The following NAA50 variants were observed in gnomAD, a reference collection of about 807,000 sequenced individuals.
The protein encoded by NAA50 is N-alpha-acetyltransferase 50.
Under a neutral mutation model 20.7 loss-of-function variants are expected in NAA50, and 7 were observed. The ratio of observed to expected loss-of-function variants is 0.34; its 90% confidence interval spans 0.19 to 0.63. The LOEUF (loss-of-function observed/expected upper bound fraction) is 0.63, where lower values mean the gene tolerates loss of function less well. NAA50 is among the 30% of genes least tolerant of loss of function. The pLI, the probability that NAA50 is intolerant of heterozygous loss-of-function variation, is 0.75. For synonymous variants in NAA50, 54 were observed against 70.6 expected, an observed-to-expected ratio of 0.77 and a Z score of 1.18; for missense variants, 111 against 199.1, an observed-to-expected ratio of 0.56 and a Z score of 2.66.
Position 113,720,915 on chromosome 3 carries a change from T to A in NAA50, c.*845A>T, listed in dbSNP as rs1314272950. Reference sequence around the variant, plus strand: ...TTTTTAAGGTTAGACTATTGTTGGGTTTACTGAAGAAAAAGGAACGGGAAA... The same window carrying A: ...TTTTTAAGGTTAGACTATTGTTGGGATTACTGAAGAAAAAGGAACGGGAAA... On this transcript the variant is annotated 3_prime_UTR_variant, in exon 5 of 5. Coordinates refer to ENST00000240922, the MANE Select transcript of NAA50 (RefSeq NM_025146.4). The A allele has an allele frequency of 1.3e-5, 2 of 152,386 alleles. No individual in the cohort carries two copies. Among genetic ancestry groups the A allele is most frequent in the Non-Finnish European group, 2.9e-5 (2 of 67,990 alleles). 9.4% of individuals were successfully genotyped at this position (152,386 alleles called of 1,614,324 possible).
At chr3:113,723,101 T>C (rs1315662139) in intron 3 of NAA50, 129 bp from the exon 4 acceptor site, 1 of 1,255,988 alleles carries the variant, frequency 8.0e-7, no homozygotes, top group Non-Finnish European at 1.1e-6. Context: ...TAGATATCCT[T>C]ATTTTCCAAA....
In NAA50 at chr3:113,738,486, A is replaced by T. The variant is rs537626131; in HGVS notation, c.8+7456T>A. Among the ~76,000 whole-genome samples the T allele has an allele frequency of 3.3e-5, 5 of 152,340 alleles. No individual in the cohort carries two copies. In the South Asian group the frequency reaches 1.0e-3, roughly 32 times the overall value. ...AATAGAGAAATTTAGTTTTCTATGT[A>T]TTCTTTATGTCCTATTTTAATCTCT... On this transcript the variant is annotated intron_variant, in intron 1 of 4. Transcript: ENST00000240922.
intron 1 of NAA50, among the ~76,000 whole-genome samples, chr3:113,724,840 T>C (rs1016159607): frequency 6.6e-6 from 1 of 152,192 alleles, no homozygotes; most frequent in African/African-American, 2.4e-5. Flanking sequence ...GATGGTTTTA[T>C]AAGGAGGCTT....
At chr3:113,729,926 T>C (rs1708250702) in intron 1 of NAA50, among the ~76,000 whole-genome samples, 1 of 152,186 alleles carries the variant, frequency 6.6e-6, no homozygotes, top group Non-Finnish European at 1.5e-5. Flanking sequence ...TTTCCTTGTG[T>C]CCTTATATTT....
intron 1 of NAA50, among the ~76,000 whole-genome samples, chr3:113,729,639 C>CT (rs2031021129): frequency 6.6e-6 from 1 of 151,364 alleles, no homozygotes. Context: ...CGCCTACGGG[C>CT]TCAGGGGATC....
chr3:113,735,184 A>G (rs900913667), intron 1 of NAA50, among the ~76,000 whole-genome samples: 2 of 152,218 alleles, frequency 1.3e-5, no homozygotes, highest in African/African-American at 4.8e-5. Context: ...AGGAACCTAC[A>G]AAGATGTCCA....
chr3:113,745,885 A>T lies in NAA50; in HGVS notation c.8+57T>A, dbSNP rs529921203. 5 of 1,573,862 alleles carry T rather than the reference A, an allele frequency of 3.2e-6. No individual in the cohort carries two copies. In the East Asian group the frequency reaches 1.2e-4, roughly 38 times the overall value. On this transcript the variant is annotated intron_variant, in intron 1 of 4. Transcript: ENST00000240922. The stretch of plus-strand genomic sequence containing the variant: ...CGCCTTTGCGGCTCTCCCCCTCTAC[A>T]TGGGCCCGGACCCTTCTACCCCACC...
intron 1 of NAA50, among the ~76,000 whole-genome samples, chr3:113,730,928 T>C (rs1291854857): frequency 6.6e-6 from 1 of 152,210 alleles, no homozygotes; most frequent in Non-Finnish European, 1.5e-5. Context: ...TTATTTCTCT[T>C]AGTAAATACC....
Position 113,718,187 on chromosome 3 carries a change from G to A in NAA50, c.*3573C>T, listed in dbSNP as rs1187679756. On this transcript the variant is annotated 3_prime_UTR_variant, in exon 5 of 5. Coordinates refer to ENST00000240922, the MANE Select transcript of NAA50 (RefSeq NM_025146.4). ...AGGAACTGAAGCCCAAGAGCCACGTGAGCATCAGGCACTGTGTGTGATACC... is the reference window on the plus strand; with the variant it reads ...AGGAACTGAAGCCCAAGAGCCACGTAAGCATCAGGCACTGTGTGTGATACC... 6.6e-6 allele frequency: 1 copy of A among 152,074 alleles called. No individual in the cohort carries two copies. The highest frequency in any genetic ancestry group is 1.5e-5 in the Non-Finnish European group (1 of 68,018). 9.4% of individuals were successfully genotyped at this position (152,074 alleles called of 1,614,324 possible).
chr3:113,745,703 C>T, intron 1 of NAA50: 1 of 521,756 alleles, frequency 1.9e-6, no homozygotes, highest in Admixed American at 4.1e-5. Flanking sequence ...AACCCACACT[C>T]GTCTCCGAAC....
intron 1 of NAA50, among the ~76,000 whole-genome samples, chr3:113,733,493 GATC>G (rs746220325): frequency 2.6e-4 from 39 of 152,014 alleles, no homozygotes; most frequent in Non-Finnish European, 1.3e-4. Context: ...CTGGATATCA[GATC>G]ATAAGATAAT....
At chr3:113,740,005 T>A (rs1455394411) in intron 1 of NAA50, among the ~76,000 whole-genome samples, 1 of 152,156 alleles carries the variant, frequency 6.6e-6, no homozygotes, top group Non-Finnish European at 1.5e-5. Flanking sequence ...AAAACTTATT[T>A]TACCTTAAAA....
intron 1 of NAA50, among the ~76,000 whole-genome samples, chr3:113,725,753 C>T (rs892018221): frequency 1.3e-5 from 2 of 151,978 alleles, no homozygotes; most frequent in Non-Finnish European, 2.9e-5. Flanking sequence ...GGGTGACAGA[C>T]TGTCTCAAAA....
rs566108179 is a variant in NAA50, at chr3:113,725,417, T to G, written c.9-1322A>C. 3.3e-5 allele frequency among the ~76,000 whole-genome samples: 5 copies of G among 152,242 alleles called. No individual in the cohort carries two copies. The East Asian group carries it at 9.6e-4, about 29-fold the overall frequency. ...TTAATTTGTAGTAGAAATTGTAATT[T>G]TAAAAACTGTATTTTGAAATGTTAA... On this transcript the variant is annotated intron_variant, in intron 1 of 4. Coordinates refer to ENST00000240922, the MANE Select transcript of NAA50 (RefSeq NM_025146.4).
In NAA50 at chr3:113,721,506, C is replaced by T. The variant is rs1023197319; in HGVS notation, c.*254G>A. On this transcript the variant is annotated 3_prime_UTR_variant, in exon 5 of 5. Transcript: ENST00000240922. ...GTTTAGGACCATCTAACTTCAACTG[C>T]AAAACTAAACAGATCTACCTTGTCC... 6.0e-6 allele frequency: 3 copies of T among 497,186 alleles called. No homozygotes were observed. Among genetic ancestry groups the T allele is most frequent in the Non-Finnish European group, 1.1e-5 (3 of 281,518 alleles). The allele number at this position is 497,186 out of a possible 1,614,324, so 30.8% of individuals were successfully genotyped here. A position where few individuals can be genotyped will look rare whatever the true frequency, so the allele number is the denominator to read the frequency against.
chr3:113,734,824 A>G (rs1326164101), intron 1 of NAA50, among the ~76,000 whole-genome samples: 1 of 152,172 alleles, frequency 6.6e-6, no homozygotes, highest in Non-Finnish European at 1.5e-5. Flanking sequence ...CTATAAATAC[A>G]TGTTCTGATA....
At position 113,721,239 on chromosome 3, in the gene NAA50, G is replaced by C. The variant is rs552839712; in HGVS notation, c.*521C>G. 6.5e-6 allele frequency: 1 copy of C among 154,358 alleles called. No individual in the cohort carries two copies. The highest frequency in any genetic ancestry group is 6.5e-5 in the Admixed American group (1 of 15,360). The allele number at this position is 154,358 out of a possible 1,614,324, so 9.6% of individuals were successfully genotyped here. ...TAGTATTTCTTACAAGGATAACAAT[G>C]TTCCAACTCCCGAGAGAGTGCTCAG... On this transcript the variant is annotated 3_prime_UTR_variant, in exon 5 of 5. Transcript: ENST00000240922.
At chr3:113,742,170 A>C (rs1708425887) in intron 1 of NAA50, among the ~76,000 whole-genome samples, 1 of 152,224 alleles carries the variant, frequency 6.6e-6, no homozygotes, top group South Asian at 2.1e-4. Context: ...TATAAACTGT[A>C]GGTTTATAAA....
At chr3:113,741,916 T>C (rs1012476294) in intron 1 of NAA50, among the ~76,000 whole-genome samples, 4 of 152,248 alleles carry the variant, frequency 2.6e-5, no homozygotes. Flanking sequence ...CACTTGATCT[T>C]ATGCTTTATG....
Sources: allele counts gnomAD v4.1 joint callset (sites outside exome capture counted in the v4.1 genomes callset), GRCh38; gene constraint gnomAD v4.1.1; transcripts MANE v1.5; gene names NCBI Gene and HGNC (gene_info 2026-07-23, HGNC 2026-07-21).